The following CYP2C19 variants were observed in gnomAD, a reference collection of about 807,000 sequenced individuals.
The protein encoded by CYP2C19 is cytochrome P450 family 2 subfamily C member 19.
In CYP2C19, 59 loss-of-function variants were observed where a neutral mutation model predicts 40.9. That is an observed-to-expected ratio of 1.44 (90% CI 1.17 to 1.79). The LOEUF is 1.79. Among genes scored for constraint, CYP2C19 ranks in the 40% most tolerant of loss-of-function variants. CYP2C19 has a pLI of 0.00. For synonymous variants in CYP2C19, 253 were observed against 208.7 expected (o/e 1.21, Z -1.83); for missense variants, 754 against 596.9 (o/e 1.26, Z -2.74).
chr10:94,819,021 G>T (rs1346136926), intron 5 of CYP2C19, among the ~76,000 whole-genome samples: 1 of 149,442 alleles, frequency 6.7e-6, no homozygotes, highest in African/African-American at 2.5e-5. Context: ...TAAAAGAACA[G>T]AAATTATAAC....
intron 7 of CYP2C19, among the ~76,000 whole-genome samples, chr10:94,844,022 G>C (rs1026712887): frequency 6.6e-6 from 1 of 152,094 alleles, no homozygotes; most frequent in Admixed American, 6.6e-5. Context: ...ATTGTTTAGG[G>C]CTTCTGTGTT....
chr10:94,767,866 G>T (rs1848269427), intron 1 of CYP2C19, among the ~76,000 whole-genome samples: 1 of 152,106 alleles, frequency 6.6e-6, no homozygotes, highest in Admixed American at 6.5e-5. Flanking sequence ...GGAATACTGG[G>T]GCTTAATCTC....
chr10:94,766,239 CAA>C (rs755052356), intron 1 of CYP2C19, among the ~76,000 whole-genome samples: 37 of 151,800 alleles, frequency 2.4e-4, no homozygotes, highest in South Asian at 2.1e-4. Flanking sequence ...ACTGGTTTAA[CAA>C]AGAGTGGGTT....
rs76267522 is a variant in CYP2C19, at chr10:94,780,959, T to C, written c.642+300T>C. On this transcript the variant is annotated intron_variant, in intron 4 of 8. Coordinates refer to ENST00000371321, the MANE Select transcript of CYP2C19 (RefSeq NM_000769.4). ...TGGTGACAGCCCCAAAGCGTGCTTA[T>C]ATCACTCCATGGACATCCAGGCACT... is the stretch of plus-strand genomic sequence containing the variant. Among the ~76,000 whole-genome samples the C allele has an allele frequency of 4.5e-3, 688 of 152,256 alleles. 6 individuals are homozygous for C. Among genetic ancestry groups the C allele is most frequent in the African/African-American group, 0.015 (639 of 41,578 alleles).
At chr10:94,803,008 C>G (rs1848787403) in intron 5 of CYP2C19, among the ~76,000 whole-genome samples, 1 of 152,044 alleles carries the variant, frequency 6.6e-6, no homozygotes, top group Admixed American at 6.6e-5. Context: ...TCTGGCTGCT[C>G]TTAATATTTT....
chr10:94,821,376 A>G (rs1237345896), intron 6 of CYP2C19, among the ~76,000 whole-genome samples: 1 of 152,202 alleles, frequency 6.6e-6, no homozygotes, highest in South Asian at 2.1e-4. Flanking sequence ...AGTAGGGAAA[A>G]TGGAAACTCT....
At chr10:94,797,954 T>C (rs964825102) in intron 5 of CYP2C19, among the ~76,000 whole-genome samples, 2 of 152,126 alleles carry the variant, frequency 1.3e-5, no homozygotes, top group African/African-American at 4.8e-5. Context: ...CCTGGATTCA[T>C]TGATTTTTTT....
intron 1 of CYP2C19, among the ~76,000 whole-genome samples, chr10:94,764,406 A>G (rs975311188): frequency 2.6e-5 from 4 of 152,118 alleles, no homozygotes; most frequent in Admixed American, 2.6e-4. Context: ...TGATTGGTGC[A>G]TCTGCAAACC....
intron 5 of CYP2C19, among the ~76,000 whole-genome samples, chr10:94,783,495 C>A (rs544503798): frequency 1.3e-5 from 2 of 151,996 alleles, no homozygotes; most frequent in Non-Finnish European, 2.9e-5. Context: ...TATCAGATAC[C>A]GTGTAAACAT....
chr10:94,848,256 A>C (rs1414387416), intron 7 of CYP2C19, among the ~76,000 whole-genome samples: 1 of 152,172 alleles, frequency 6.6e-6, no homozygotes, highest in Non-Finnish European at 1.5e-5. Flanking sequence ...ATTTTTGTAT[A>C]AGGTGTAAAG....
intron 7 of CYP2C19, among the ~76,000 whole-genome samples, chr10:94,845,344 A>G (rs1443783761): frequency 2.0e-5 from 3 of 152,224 alleles, no homozygotes; most frequent in African/African-American, 7.2e-5. Flanking sequence ...TAAATTTCCC[A>G]TAAATTTTTG....
At chr10:94,772,738 A>G (rs1848351730) in intron 1 of CYP2C19, among the ~76,000 whole-genome samples, 1 of 152,138 alleles carries the variant, frequency 6.6e-6, no homozygotes, top group Non-Finnish European at 1.5e-5. Context: ...CCTTTCCCAG[A>G]AAGCCTGACA....
At chr10:94,764,309 A>G (rs1848212767) in intron 1 of CYP2C19, among the ~76,000 whole-genome samples, 1 of 152,040 alleles carries the variant, frequency 6.6e-6, no homozygotes, top group African/African-American at 2.4e-5. Flanking sequence ...CAGAGTGCTG[A>G]TTGATCTGTT....
At chr10:94,823,222 C>T (rs559130222) in intron 6 of CYP2C19, among the ~76,000 whole-genome samples, 2 of 152,070 alleles carry the variant, frequency 1.3e-5, no homozygotes, top group African/African-American at 4.8e-5. Context: ...GGTTGAAAAA[C>T]GAGGCTCTCT....
At chr10:94,828,949 C>A (rs1020206615) in intron 6 of CYP2C19, among the ~76,000 whole-genome samples, 2 of 151,798 alleles carry the variant, frequency 1.3e-5, no homozygotes, top group Non-Finnish European at 2.9e-5. Flanking sequence ...ATATGAAATT[C>A]TGGGTTGAAA....
intron 5 of CYP2C19, among the ~76,000 whole-genome samples, chr10:94,790,798 G>A (rs1300434591): frequency 6.6e-6 from 1 of 152,054 alleles, no homozygotes; most frequent in Non-Finnish European, 1.5e-5. Context: ...TTTTTGCATC[G>A]ATGTTCATCA....
At chr10:94,852,651 C>A in intron 8 of CYP2C19, 82 bp from the exon 9 acceptor site, 1 of 1,469,374 alleles carries the variant, frequency 6.8e-7, no homozygotes. Flanking sequence ...CATATTCTGT[C>A]TGTGCCAGTT....
intron 5 of CYP2C19, among the ~76,000 whole-genome samples, chr10:94,820,259 C>G (rs901253741): frequency 6.6e-6 from 1 of 151,908 alleles, no homozygotes; most frequent in Non-Finnish European, 1.5e-5. Flanking sequence ...TAAGAGCTAT[C>G]TATGACAAAC....
At chr10:94,822,899 G>A (rs911810071) in intron 6 of CYP2C19, among the ~76,000 whole-genome samples, 2 of 151,752 alleles carry the variant, frequency 1.3e-5, no homozygotes, top group South Asian at 2.1e-4. Context: ...GTCTGTTCAT[G>A]TCCTTTCACC....
Sources: allele counts gnomAD v4.1 joint callset (sites outside exome capture counted in the v4.1 genomes callset), GRCh38; gene constraint gnomAD v4.1.1; transcripts MANE v1.5; gene names NCBI Gene and HGNC (gene_info 2026-07-23, HGNC 2026-07-21).